WDR72: variants seen among roughly 807,000 people sequenced by gnomAD.
WDR72 encodes the protein WD repeat-containing protein 72.
A neutral mutation model predicts 124.2 loss-of-function variants in WDR72; 120 were observed. That is an observed-to-expected ratio of 0.97 (90% confidence interval 0.83 to 1.12). The LOEUF (loss-of-function observed/expected upper bound fraction) is 1.12. Among genes scored for constraint, WDR72 ranks in the 50% most tolerant of loss-of-function variants. WDR72 has a pLI of 0.00. For missense variants in WDR72, 1,387 were observed against 1,278.8 expected, an observed-to-expected ratio of 1.08 and a Z score of -1.29; for synonymous variants, 452 against 441.7, an observed-to-expected ratio of 1.02 and a Z score of -0.29.
intron 18 of WDR72, among the ~76,000 whole-genome samples, chr15:53,552,287 G>A (rs1474431528): frequency 2.0e-5 from 3 of 151,984 alleles, no homozygotes; most frequent in African/African-American, 7.2e-5. Context: ...TGCCTCACTG[G>A]GCTCATGGAT....
intron 13 of WDR72, among the ~76,000 whole-genome samples, chr15:53,678,145 G>C (rs1188976147): frequency 1.3e-5 from 2 of 152,112 alleles, no homozygotes; most frequent in Non-Finnish European, 2.9e-5. Flanking sequence ...GAACTTTATT[G>C]GCAAGACAAT....
chr15:53,525,554 A>T (rs981045822), intron 18 of WDR72, among the ~76,000 whole-genome samples: 7 of 152,098 alleles, frequency 4.6e-5, no homozygotes, highest in African/African-American at 1.4e-4. Flanking sequence ...GGAAGAGGAC[A>T]TGGTATTAGA....
At chr15:53,662,257 C>T (rs1037934379) in intron 14 of WDR72, among the ~76,000 whole-genome samples, 3 of 152,092 alleles carry the variant, frequency 2.0e-5, no homozygotes, top group East Asian at 1.9e-4. Context: ...CTTTCCTATA[C>T]CAGAGATATT....
At chr15:53,588,190 A>G (rs2012317987) in intron 18 of WDR72, among the ~76,000 whole-genome samples, 1 of 151,968 alleles carries the variant, frequency 6.6e-6, no homozygotes, top group Admixed American at 6.6e-5. Flanking sequence ...GATGTCTGTC[A>G]TTGTCATTTA....
intron 17 of WDR72, among the ~76,000 whole-genome samples, chr15:53,606,268 A>G (rs1329902311): frequency 1.3e-5 from 2 of 152,270 alleles, no homozygotes; most frequent in African/African-American, 2.4e-5. Context: ...TTTTTTCCCC[A>G]TTTAGGAATT....
intron 9 of WDR72, among the ~76,000 whole-genome samples, chr15:53,706,694 A>G (rs993262254): frequency 6.6e-6 from 1 of 151,810 alleles, no homozygotes; most frequent in African/African-American, 2.4e-5. Context: ...TTTGTATAGT[A>G]ATTTTGTTAT....
In WDR72 at chr15:53,517,200, C is replaced by A. The variant is rs74015396; in HGVS notation, c.*499G>T. On this transcript the variant is annotated 3_prime_UTR_variant, in exon 20 of 20. Transcript: ENST00000360509. The stretch of plus-strand genomic sequence containing the variant: ...GATGAGATTTACTGCAGTAATTGAT[C>A]CGAATTAAAGCATATCCACTAAAAC... The A allele has an allele frequency of 0.028, 4,514 of 163,428 alleles. 228 individuals are homozygous for A. Among genetic ancestry groups the A allele is most frequent in the African/African-American group, 0.1 (4,274 of 41,552 alleles). 10.1% of individuals were successfully genotyped at this position (163,428 alleles called of 1,614,324 possible).
Position 53,711,463 on chromosome 15 carries a change from A to C in WDR72, c.730T>G (p.Phe244Val). 3.1e-6 allele frequency: 5 copies of C among 1,614,186 alleles called. No individual in the cohort carries two copies. In the South Asian group the frequency reaches 5.5e-5, roughly 18 times the overall value. ...CTAACTTCAGTCAGCAGAAGGGAAA[A>C]ATCACAATAATCATAAACCTAAAAT... ...KCWKVYDYCD[F>V]SLLLTEVSRN... The change falls in exon 8 of 20, where the codon TTT (phenylalanine) becomes GTT (valine). Residue 244 changes from phenylalanine to valine, a missense_variant. Transcript: ENST00000360509.
chr15:53,591,685 A>AACACACACACACACACACAC (rs67873847), intron 18 of WDR72, among the ~76,000 whole-genome samples: 1 of 148,930 alleles, frequency 6.7e-6, no homozygotes, highest in African/African-American at 2.5e-5. Flanking sequence ...CAACACACAC[A>AACACACACACACACACACAC]ACACACACAC....
intron 18 of WDR72, among the ~76,000 whole-genome samples, chr15:53,562,604 A>G (rs1376042285): frequency 1.3e-5 from 2 of 151,800 alleles, no homozygotes; most frequent in African/African-American, 4.8e-5. Context: ...TCCTCAAATC[A>G]TTTATGTAAA....
chr15:53,567,528 G>A lies in WDR72; in HGVS notation c.3148+29551C>T, dbSNP rs114365478. 2.2e-3 allele frequency among the ~76,000 whole-genome samples: 337 copies of A among 152,122 alleles called. 2 individuals carry two copies. The highest frequency in any genetic ancestry group is 7.9e-3 in the African/African-American group (327 of 41,522). On this transcript the variant is annotated intron_variant, in intron 18 of 19. Transcript: ENST00000360509. ...CCAATCTCTGTTGCATATCCATGCA[G>A]GATACCTGCATATCCGAGAGAGATG...
At chr15:53,675,296 T>C (rs1208132380) in intron 13 of WDR72, among the ~76,000 whole-genome samples, 1 of 150,728 alleles carries the variant, frequency 6.6e-6, no homozygotes, top group African/African-American at 2.4e-5. Flanking sequence ...TGAGCTGAGA[T>C]TGCACCACTG....
In WDR72 at chr15:53,616,262, T is replaced by G. The variant is rs377509506; in HGVS notation, c.1963-19A>C. The G allele has an allele frequency of 6.3e-7, 1 of 1,580,716 alleles. No homozygotes were observed. Among genetic ancestry groups the G allele is most frequent in the African/African-American group, 1.3e-5 (1 of 74,542 alleles). ...CAGTAACCTAAGGGAACAAAAAATATTTGTGTCAAAGTTCTTGCTTATTAT... is the reference window on the plus strand; with the variant it reads ...CAGTAACCTAAGGGAACAAAAAATAGTTGTGTCAAAGTTCTTGCTTATTAT... On this transcript the variant is annotated intron_variant, in intron 14 of 19. Transcript: ENST00000360509.
At position 53,726,264 on chromosome 15, in the gene WDR72, G is replaced by GTATATATATATATATATA. The variant is rs34367324; in HGVS notation, c.154-3374_154-3357dup. Among the ~76,000 whole-genome samples the GTATATATATATATATATA allele has an allele frequency of 1.1e-3, 124 of 110,342 alleles. 1 individual carries two copies. The highest frequency in any genetic ancestry group is 5.2e-3 in the African/African-American group (114 of 21,956). 72.4% of individuals were successfully genotyped at this position (110,342 alleles called of 152,430 possible). ...TGTGTGTATATATATATGTATGTGTGTATATATATATATATATATATACAC... is the reference window on the plus strand; with the variant it reads ...TGTGTGTATATATATATGTATGTGTGTATATATATATATATATATATATATATATATATATATATACAC... On this transcript the variant is annotated intron_variant, in intron 2 of 19. Coordinates refer to ENST00000360509, the MANE Select transcript of WDR72 (RefSeq NM_182758.4).
intron 18 of WDR72, among the ~76,000 whole-genome samples, chr15:53,594,445 G>A (rs1045484423): frequency 3.3e-5 from 5 of 151,896 alleles, no homozygotes; most frequent in South Asian, 2.1e-4. Context: ...TTAGGCTAAG[G>A]AAATCTGCCT....
At chr15:53,698,186 T>C (rs2017063278) in intron 13 of WDR72, among the ~76,000 whole-genome samples, 1 of 152,196 alleles carries the variant, frequency 6.6e-6, no homozygotes, top group African/African-American at 2.4e-5. Flanking sequence ...CTTCCCACTC[T>C]GGCAAAGAAA....
At chr15:53,735,365 A>C (rs2018323428) in intron 1 of WDR72, among the ~76,000 whole-genome samples, 1 of 152,214 alleles carries the variant, frequency 6.6e-6, no homozygotes, top group Non-Finnish European at 1.5e-5. Context: ...GGAACGTACA[A>C]TGGAAAACAG....
intron 1 of WDR72, chr15:53,759,283 G>A (rs2019003123): frequency 1.3e-5 from 2 of 152,152 alleles, no homozygotes; most frequent in Non-Finnish European, 2.9e-5. Context: ...TCCTAATAGG[G>A]AAAGGCAGGT....
intron 18 of WDR72, among the ~76,000 whole-genome samples, chr15:53,578,088 G>A (rs1008067047): frequency 6.6e-6 from 1 of 152,090 alleles, no homozygotes; most frequent in South Asian, 2.1e-4. Context: ...TGCAATTCAA[G>A]AATTCCCTGC....
Sources: gnomAD v4.1 joint callset for allele counts (sites outside exome capture counted in the v4.1 genomes callset) on GRCh38, gnomAD v4.1.1 for gene constraint, MANE v1.5 for transcripts, NCBI Gene and HGNC (gene_info 2026-07-23, HGNC 2026-07-21) for gene names.